Variants in LIN52 observed in about 807,000 individuals in gnomAD.
LIN52 encodes the protein protein lin-52 homolog.
Under a neutral mutation model 18.5 loss-of-function variants are expected in LIN52, and 4 were observed. The ratio of observed to expected loss-of-function variants is 0.22; its 90% confidence interval spans 0.11 to 0.49. The LOEUF is 0.49. Ranked by LOEUF, LIN52 falls within the 20% of genes least tolerant of loss-of-function variation. The pLI is 0.97. For missense variants in LIN52, 102 were observed against 139.5 expected (o/e 0.73, Z 1.35); for synonymous variants, 34 against 45.5 (o/e 0.75, Z 1.02).
chr14:74,092,058 G>T (rs1287456914), intron 2 of LIN52, among the ~76,000 whole-genome samples: 1 of 151,584 alleles, frequency 6.6e-6, no homozygotes. Context: ...TGCATCCTCT[G>T]CCTCAGGGTT....
intron 5 of LIN52, among the ~76,000 whole-genome samples, chr14:74,176,334 ACTC>A (rs1342538207): frequency 6.6e-6 from 1 of 150,992 alleles, no homozygotes; most frequent in Non-Finnish European, 1.5e-5. Context: ...CTGGTTTTGA[ACTC>A]CTGACCTCAA....
intron 2 of LIN52, among the ~76,000 whole-genome samples, chr14:74,091,827 G>A (rs1467357125): frequency 6.6e-6 from 1 of 150,984 alleles, no homozygotes; most frequent in Non-Finnish European, 1.5e-5. Context: ...ATCAGACCAG[G>A]CTGAAGAGTT....
intron 5 of LIN52, among the ~76,000 whole-genome samples, chr14:74,188,662 T>G (rs576562374): frequency 6.6e-6 from 1 of 152,152 alleles, no homozygotes; most frequent in Non-Finnish European, 1.5e-5. Context: ...GGTGGCTTCA[T>G]TCCTTTGACG....
rs1258216140 is a variant in LIN52 at position 74,101,671 on chromosome 14, G to A, written c.283+433G>A. Among the ~76,000 whole-genome samples the A allele has an allele frequency of 5.3e-5, 8 of 151,626 alleles. No homozygotes were observed. In the South Asian group the frequency reaches 6.2e-4, roughly 12 times the overall value. ...GAGACGGGGTTTCACCGTTTTAGCC[G>A]GGATGGTCTCGATCTCCTGACCTCG... is the stretch of plus-strand genomic sequence containing the variant. On this transcript the variant is annotated intron_variant, in intron 5 of 5. Transcript: ENST00000555028.
intron 5 of LIN52, among the ~76,000 whole-genome samples, chr14:74,198,188 C>T (rs1398631670): frequency 1.3e-5 from 2 of 152,182 alleles, no homozygotes; most frequent in Admixed American, 6.5e-5. Context: ...TCTGGAGTAG[C>T]CCTTGTAATT....
At chr14:74,154,007 C>G (rs187220494) in intron 5 of LIN52, among the ~76,000 whole-genome samples, 1 of 152,104 alleles carries the variant, frequency 6.6e-6, no homozygotes, top group Admixed American at 6.5e-5. Context: ...AAGGAGCGTT[C>G]CCATATAACC....
intron 5 of LIN52, among the ~76,000 whole-genome samples, chr14:74,180,479 C>T (rs1002444887): frequency 2.0e-5 from 3 of 151,710 alleles, no homozygotes; most frequent in Middle Eastern, 3.2e-3. Context: ...ACCGTGGTCT[C>T]GATCTCCTGA....
At chr14:74,093,518 G>C (rs950662645) in intron 2 of LIN52, among the ~76,000 whole-genome samples, 2 of 150,840 alleles carry the variant, frequency 1.3e-5, no homozygotes, top group Non-Finnish European at 3.0e-5. Flanking sequence ...TAGAGAAGAG[G>C]CTTCACCATG....
At chr14:74,154,338 T>TA (rs2061189318) in intron 5 of LIN52, among the ~76,000 whole-genome samples, 1 of 152,238 alleles carries the variant, frequency 6.6e-6, no homozygotes, top group Admixed American at 6.5e-5. Context: ...TTTCACTACA[T>TA]AAACCAGGCT....
intron 5 of LIN52, among the ~76,000 whole-genome samples, chr14:74,106,239 C>T (rs1383361155): frequency 6.6e-6 from 1 of 152,136 alleles, no homozygotes; most frequent in East Asian, 1.9e-4. Context: ...TCTCAACTAG[C>T]CCATTCCAAT....
intron 2 of LIN52, among the ~76,000 whole-genome samples, chr14:74,094,262 T>C (rs886292922): frequency 6.6e-6 from 1 of 151,662 alleles, no homozygotes; most frequent in Non-Finnish European, 1.5e-5. Context: ...TTTGTAGTTT[T>C]TTTTTTTTTT....
Position 74,111,796 on chromosome 14 carries a change from T to C in LIN52, c.283+10558T>C, listed in dbSNP as rs145229546. On this transcript the variant is annotated intron_variant, in intron 5 of 5. Transcript: ENST00000555028. Reference sequence around the variant, plus strand: ...CTCTAGATGGCAGCATGAGTCTTTCTGTACCACTAACAGAAAGACTACCCA... The same window carrying C: ...CTCTAGATGGCAGCATGAGTCTTTCCGTACCACTAACAGAAAGACTACCCA... 8.5e-5 allele frequency among the ~76,000 whole-genome samples: 13 copies of C among 152,172 alleles called. No homozygotes were observed. The East Asian group carries it at 2.5e-3, about 29-fold the overall frequency.
intron 2 of LIN52, among the ~76,000 whole-genome samples, chr14:74,094,721 G>A (rs2060795888): frequency 6.6e-6 from 1 of 150,428 alleles, no homozygotes; most frequent in Non-Finnish European, 1.5e-5. Context: ...TTTCCTTTTT[G>A]GTGAGATTGA....
intron 5 of LIN52, among the ~76,000 whole-genome samples, chr14:74,110,461 C>G (rs2060919479): frequency 6.6e-6 from 1 of 151,940 alleles, no homozygotes; most frequent in Admixed American, 6.6e-5. Flanking sequence ...GGCAGATAAC[C>G]TGAGGTCAGG....
At chr14:74,148,103 T>C (rs1488723262) in intron 5 of LIN52, among the ~76,000 whole-genome samples, 1 of 152,158 alleles carries the variant, frequency 6.6e-6, no homozygotes, top group East Asian at 1.9e-4. Flanking sequence ...CAGTCTATTA[T>C]AGGCCTGCTC....
intron 5 of LIN52, 142 bp from the exon 6 acceptor site, chr14:74,198,780 T>C (rs2078930036): frequency 1.1e-5 from 7 of 649,842 alleles, no homozygotes; most frequent in East Asian, 5.5e-5. Context: ...CCCTTTTAGG[T>C]TAGTTGGTGA....
intron 5 of LIN52, among the ~76,000 whole-genome samples, chr14:74,132,764 C>T (rs2061075661): frequency 6.6e-6 from 1 of 152,192 alleles, no homozygotes; most frequent in Admixed American, 6.5e-5. Flanking sequence ...GCCTCGGCCT[C>T]CCAAAGTGCT....
At chr14:74,119,160 C>CT (rs543503099) in intron 5 of LIN52, among the ~76,000 whole-genome samples, 18,254 of 115,390 alleles carry the variant, frequency 0.16, 1,941 homozygotes, top group East Asian at 0.58. Context: ...GATTTTCTTT[C>CT]TTTTTTTTTT....
At chr14:74,144,222 AAG>A (rs1417882374) in intron 5 of LIN52, among the ~76,000 whole-genome samples, 1 of 151,934 alleles carries the variant, frequency 6.6e-6, no homozygotes, top group East Asian at 1.9e-4. Context: ...CCCTGGGGTC[AAG>A]AGATCCTTCC....
Sources: allele counts gnomAD v4.1 joint callset (sites outside exome capture counted in the v4.1 genomes callset), GRCh38; gene constraint gnomAD v4.1.1; transcripts MANE v1.5; gene names NCBI Gene and HGNC (gene_info 2026-07-23, HGNC 2026-07-21).